Variants in RSAD2 observed in about 807,000 individuals in gnomAD.
RSAD2 encodes radical S-adenosyl methionine domain containing 2, also known as S-adenosylmethionine-dependent nucleotide dehydratase RSAD2.
Under a neutral mutation model 37.7 loss-of-function variants are expected in RSAD2, and 38 were observed. That is an observed-to-expected ratio of 1.01 (90% confidence interval 0.78 to 1.32). The LOEUF is 1.32. RSAD2 is among the 40% of genes most tolerant of loss of function. RSAD2 has a pLI of 0.00. For synonymous variants in RSAD2, 163 were observed against 157.4 expected (o/e 1.04, Z -0.27); for missense variants, 428 against 437.5 (o/e 0.98, Z 0.19).
Position 6,883,400 on chromosome 2 carries a change from G to A in RSAD2, c.376G>A (p.Glu126Lys). ...GGAGAAGATCAACTTTTCAGGTGGA[G>A]AGCCATTTCTTCAAGACCGGGGAGA... ...GMEKINFSGG[E>K]PFLQDRGEYL... The change falls in exon 2 of 6, where the codon GAG becomes AAG. Residue 126 changes from glutamate to lysine, a missense_variant. Coordinates refer to ENST00000382040, the MANE Select transcript of RSAD2 (RefSeq NM_080657.5). 1 of 1,614,190 alleles carries A rather than the reference G, an allele frequency of 6.2e-7. No homozygotes were observed. The highest frequency in any genetic ancestry group is 8.5e-7 in the Non-Finnish European group (1 of 1,180,036).
At chr2:6,890,848 G>A (rs922246460) in intron 4 of RSAD2, among the ~76,000 whole-genome samples, 23 of 151,892 alleles carry the variant, frequency 1.5e-4, no homozygotes, top group African/African-American at 4.6e-4. Context: ...TTCATACACC[G>A]ATAAAACAAG....
At chr2:6,893,750 T>TAGCAGTAATGGCAGAGTTGAGTTCCATG in intron 5 of RSAD2, 47 bp downstream of exon 5, 1 of 1,332,384 alleles carries the variant, frequency 7.5e-7, no homozygotes, top group African/African-American at 1.4e-5. Flanking sequence ...ATTAATTAAT[T>TAGCAGTAATGGCAGAGTTGAGTTCCATG]AGCAGTAATG....
At chr2:6,881,862 G>A (rs1342027935) in intron 1 of RSAD2, among the ~76,000 whole-genome samples, 2 of 151,422 alleles carry the variant, frequency 1.3e-5, no homozygotes, top group East Asian at 1.9e-4. Flanking sequence ...GGTGTGTAAT[G>A]CATAGACCCC....
chr2:6,896,262 G>A lies in RSAD2; in HGVS notation c.*320G>A, dbSNP rs996018651. Reference sequence around the variant, plus strand: ...ATGACCCCAAAAATGCTTAGATAAGGCCCCTATACACAGGACCTGACATTT... The same window carrying A: ...ATGACCCCAAAAATGCTTAGATAAGACCCCTATACACAGGACCTGACATTT... On this transcript the variant is annotated 3_prime_UTR_variant, in exon 6 of 6. Transcript: ENST00000382040. 6 of 216,450 alleles carry A rather than the reference G, an allele frequency of 2.8e-5. No homozygotes were observed. Among genetic ancestry groups the A allele is most frequent in the African/African-American group, 9.1e-5 (4 of 44,102 alleles). 13.4% of individuals were successfully genotyped at this position (216,450 alleles called of 1,614,324 possible).
chr2:6,896,810 G>C lies in RSAD2; in HGVS notation c.*868G>C, dbSNP rs1663784894. 1 of 152,176 alleles carries C rather than the reference G, an allele frequency of 6.6e-6. No homozygotes were observed. The highest frequency in any genetic ancestry group is 2.4e-5 in the African/African-American group (1 of 41,434). 9.4% of individuals were successfully genotyped at this position (152,176 alleles called of 1,614,324 possible). A position where few individuals can be genotyped will look rare whatever the true frequency, so the allele number is the denominator to read the frequency against. ...AAGATACGCTTTCCATTTGATGATG[G>C]AGTTGACATGGAGGCAGTGCTTGCA... On this transcript the variant is annotated 3_prime_UTR_variant, in exon 6 of 6. Coordinates refer to ENST00000382040, the MANE Select transcript of RSAD2 (RefSeq NM_080657.5).
At chr2:6,890,147 G>A in intron 3 of RSAD2, 29 bp from the exon 4 acceptor site, 1 of 1,610,546 alleles carries the variant, frequency 6.2e-7, no homozygotes, top group Non-Finnish European at 8.5e-7. Flanking sequence ...AAAGCTCTCT[G>A]CAAAGCAAAC....
intron 4 of RSAD2, among the ~76,000 whole-genome samples, chr2:6,891,531 G>A (rs968833490): frequency 2.0e-5 from 3 of 152,176 alleles, no homozygotes; most frequent in African/African-American, 7.2e-5. Context: ...ACTTTGGGGG[G>A]CTGAGATGGG....
upstream of RSAD2, among the ~76,000 whole-genome samples, chr2:6,875,554 C>T (rs1185404827): frequency 6.6e-6 from 1 of 152,196 alleles, no homozygotes; most frequent in Admixed American, 6.5e-5. Flanking sequence ...ACTAGTACCC[C>T]TCACGGGCAG....
intron 2 of RSAD2, among the ~76,000 whole-genome samples, chr2:6,884,773 A>G (rs1222195088): frequency 6.6e-6 from 1 of 152,268 alleles, no homozygotes; most frequent in Admixed American, 6.5e-5. Flanking sequence ...CCTATAGTGC[A>G]TGAGTGGAGC....
chr2:6,871,730 T>A (rs1234484744), intron 1 of RSAD2, among the ~76,000 whole-genome samples: 1 of 152,220 alleles, frequency 6.6e-6, no homozygotes, highest in South Asian at 2.1e-4. Flanking sequence ...ACATGTCTGT[T>A]AGTATATTGT....
chr2:6,879,013 G>A (rs1189481539), intron 1 of RSAD2: 1 of 470,332 alleles, frequency 2.1e-6, no homozygotes, highest in African/African-American at 2.0e-5. Flanking sequence ...AGCGCCAGAA[G>A]TGCATGCTGC....
chr2:6,881,935 G>T (rs959733735), intron 1 of RSAD2, among the ~76,000 whole-genome samples: 1 of 152,100 alleles, frequency 6.6e-6, no homozygotes, highest in African/African-American at 2.4e-5. Flanking sequence ...TAAAATGCAG[G>T]CAGGTGGGTG....
At chr2:6,883,305 A>C (rs1412708604) in intron 1 of RSAD2, 66 bp from the exon 2 acceptor site, 2 of 1,509,096 alleles carry the variant, frequency 1.3e-6, no homozygotes, top group South Asian at 1.2e-5. Context: ...AGAAAATACT[A>C]CTTTTGCTAT....
At chr2:6,877,749 TAAAG>T, upstream of RSAD2, 1 of 1,414,192 alleles carries the variant, frequency 7.1e-7, no homozygotes, top group Middle Eastern at 2.0e-4. Context: ...CATCCCTATA[TAAAG>T]AGAGTCCCTG....
chr2:6,890,374 A>G, intron 4 of RSAD2, 49 bp downstream of exon 4: 1 of 1,594,630 alleles, frequency 6.3e-7, no homozygotes, highest in Non-Finnish European at 8.6e-7. Flanking sequence ...ATTCAGATTG[A>G]TTCCCAAAAG....
rs1663801967 is a variant in RSAD2 at position 6,897,506 on chromosome 2, C to A, written c.*1564C>A. The A allele has an allele frequency of 6.6e-6, 1 of 152,088 alleles. No individual in the cohort carries two copies. The highest frequency in any genetic ancestry group is 2.1e-4 in the South Asian group (1 of 4,832). 9.4% of individuals were successfully genotyped at this position (152,088 alleles called of 1,614,324 possible). ...CTACTTAAATTTTAAGTCTATAATT[C>A]AATTTAAATATGTGTGTGTCTCATC... On this transcript the variant is annotated 3_prime_UTR_variant, in exon 6 of 6. Transcript: ENST00000382040.
At chr2:6,874,904 C>G (rs1219625582), upstream of RSAD2, among the ~76,000 whole-genome samples, 1 of 152,186 alleles carries the variant, frequency 6.6e-6, no homozygotes, top group Non-Finnish European at 1.5e-5. Context: ...ATTGGAAATA[C>G]TGATTATATT....
In RSAD2 at chr2:6,897,712, C is replaced by G. The variant is rs1663808854; in HGVS notation, c.*1770C>G. ...TTTTACTTAACATGAGTGCACTTTA[C>G]TAATCCTCATGGCACAGTGGCTCAC... On this transcript the variant is annotated 3_prime_UTR_variant, in exon 6 of 6. Coordinates refer to ENST00000382040, the MANE Select transcript of RSAD2 (RefSeq NM_080657.5). The G allele has an allele frequency of 6.6e-6, 1 of 152,128 alleles. No individual in the cohort carries two copies. The highest frequency in any genetic ancestry group is 2.4e-5 in the African/African-American group (1 of 41,420). The allele number at this position is 152,128 out of a possible 1,614,324, so 9.4% of individuals were successfully genotyped here.
At chr2:6,881,767 G>A (rs1316930589) in intron 1 of RSAD2, among the ~76,000 whole-genome samples, 1 of 152,040 alleles carries the variant, frequency 6.6e-6, no homozygotes, top group Non-Finnish European at 1.5e-5. Flanking sequence ...GCAGGCAAGT[G>A]TGTAACGCAT....
Sources: allele counts gnomAD v4.1 joint callset (sites outside exome capture counted in the v4.1 genomes callset), GRCh38; gene constraint gnomAD v4.1.1; transcripts MANE v1.5; gene names NCBI Gene and HGNC (gene_info 2026-07-23, HGNC 2026-07-21).